The following CREBRF variants were observed in gnomAD, a reference collection of about 807,000 sequenced individuals.
The protein encoded by CREBRF is CREB3 regulatory factor, also known as UPF0474 protein C5orf41.
In CREBRF, 5 loss-of-function variants were observed where a neutral mutation model predicts 66.1. The ratio of observed to expected loss-of-function variants is 0.08; its 90% CI spans 0.04 to 0.16. CREBRF has a LOEUF of 0.16. CREBRF is among the 10% of genes least tolerant of loss of function. The pLI, the probability that CREBRF is intolerant of heterozygous loss-of-function variation, is 1.00. For missense variants in CREBRF, 531 were observed against 744.9 expected (o/e 0.71, Z 3.34); for synonymous variants, 229 against 264.4 (o/e 0.87, Z 1.30).
At position 173,090,085 on chromosome 5, in the gene CREBRF, C is replaced by T. The variant is rs544047693; in HGVS notation, c.136-230C>T. Among the ~76,000 whole-genome samples, 18 of 152,170 alleles carry T rather than the reference C, an allele frequency of 1.2e-4. No individual in the cohort carries two copies. The South Asian group carries it at 2.9e-3, about 25-fold the overall frequency. On this transcript the variant is annotated intron_variant, in intron 3 of 8. Coordinates refer to ENST00000296953, the MANE Select transcript of CREBRF (RefSeq NM_153607.3). This position sits in a 1 kb window ranked among gnomAD's most constrained non-coding sequence, Gnocchi z 4.5. Reference sequence around the variant, plus strand: ...CTGAGCCTCTCAAGGGACACACTTTCCGTCTTTTTTAAATTTAATTTTTAA... The same window carrying T: ...CTGAGCCTCTCAAGGGACACACTTTTCGTCTTTTTTAAATTTAATTTTTAA...
intron 3 of CREBRF, among the ~76,000 whole-genome samples, chr5:173,089,184 A>C (rs1247977139): frequency 6.7e-6 from 1 of 149,820 alleles, no homozygotes; most frequent in African/African-American, 2.5e-5. Context: ...CTCAAAAAAA[A>C]AAAAAACAAA....
chr5:173,074,169 G>T (rs1030398287), intron 1 of CREBRF, among the ~76,000 whole-genome samples: 3 of 151,658 alleles, frequency 2.0e-5, no homozygotes, highest in African/African-American at 7.3e-5. Flanking sequence ...GGGTGTTGTG[G>T]CACATGCCTG....
intron 4 of CREBRF, among the ~76,000 whole-genome samples, chr5:173,092,996 A>G (rs1758387934): frequency 6.6e-6 from 1 of 152,176 alleles, no homozygotes; most frequent in Admixed American, 6.5e-5. Flanking sequence ...TTTCAAGGAG[A>G]CTTGACTTTG....
chr5:173,127,555 A>G (rs561486334), intron 8 of CREBRF, among the ~76,000 whole-genome samples: 153 of 150,074 alleles, frequency 1.0e-3, no homozygotes, highest in African/African-American at 3.4e-3. Flanking sequence ...TGCCTCCCAG[A>G]TTCAAGCGAT....
chr5:173,117,599 T>TTCCC (rs1759027413), intron 7 of CREBRF, among the ~76,000 whole-genome samples: 5 of 41,964 alleles, frequency 1.2e-4, no homozygotes, highest in Non-Finnish European at 1.6e-4. Context: ...CCTTCCTTCC[T>TTCCC]TCCATCCCTC....
rs867361329 is a variant in CREBRF, at chr5:173,105,225, A to G, written c.1223-3399A>G. Among the ~76,000 whole-genome samples the G allele has an allele frequency of 6.2e-3, 907 of 146,638 alleles. 14 individuals are homozygous for G. Among genetic ancestry groups the G allele is most frequent in the African/African-American group, 0.02 (809 of 39,902 alleles). On this transcript the variant is annotated intron_variant, in intron 4 of 8. Coordinates refer to ENST00000296953, the MANE Select transcript of CREBRF (RefSeq NM_153607.3). ...CCAGGAGGATGGTATGTGTGTATAT[A>G]TGTGTGTGTGTGTGTGTGTGTGTGT...
intron 7 of CREBRF, among the ~76,000 whole-genome samples, chr5:173,120,248 A>G (rs1349508063): frequency 6.6e-6 from 1 of 152,138 alleles, no homozygotes; most frequent in African/African-American, 2.4e-5. Flanking sequence ...CATTGTATCT[A>G]TGATAGAATT....
Position 173,123,203 on chromosome 5 carries a change from G to A in CREBRF, c.1804+1G>A. Reference sequence around the variant, plus strand: ...GAAATCCTCATTAAAGATACTCTCGGTAAGAAGAATGCGAGATAAATTCAT... The same window carrying A: ...GAAATCCTCATTAAAGATACTCTCGATAAGAAGAATGCGAGATAAATTCAT... On this transcript the variant is annotated splice_donor_variant, in intron 8 of 8. Transcript: ENST00000296953. LOFTEE classifies it high-confidence loss of function. 3 of 1,595,770 alleles carry A rather than the reference G, an allele frequency of 1.9e-6. No homozygotes were observed. Among genetic ancestry groups the A allele is most frequent in the South Asian group, 2.3e-5 (2 of 86,970 alleles).
chr5:173,106,158 G>A (rs1028809492), intron 4 of CREBRF, among the ~76,000 whole-genome samples: 2 of 150,562 alleles, frequency 1.3e-5, no homozygotes, highest in African/African-American at 2.4e-5. Flanking sequence ...GGCCAGGTGC[G>A]GTGGCTCACA....
chr5:173,076,623 C>G (rs1055478010), intron 1 of CREBRF, among the ~76,000 whole-genome samples: 1 of 151,690 alleles, frequency 6.6e-6, no homozygotes, highest in East Asian at 1.9e-4. Context: ...CGTGGTGGTG[C>G]TGCATGCCTG....
At position 173,064,506 on chromosome 5, in the gene CREBRF, C is replaced by T. The variant is rs929528171; in HGVS notation, c.-192+8027C>T. Among the ~76,000 whole-genome samples the T allele has an allele frequency of 3.3e-5, 5 of 151,830 alleles. No individual in the cohort carries two copies. The South Asian group carries it at 6.2e-4, about 19-fold the overall frequency. Reference sequence around the variant, plus strand: ...TCAAGCAGTCCTCCTGCCTCAGCCTCCTGAGCCTCCTGACTATCTGGGACT... The same window carrying T: ...TCAAGCAGTCCTCCTGCCTCAGCCTTCTGAGCCTCCTGACTATCTGGGACT... On this transcript the variant is annotated intron_variant, in intron 1 of 8. Coordinates refer to ENST00000296953, the MANE Select transcript of CREBRF (RefSeq NM_153607.3).
chr5:173,073,412 G>A (rs531164022), intron 1 of CREBRF, among the ~76,000 whole-genome samples: 1 of 152,272 alleles, frequency 6.6e-6, no homozygotes, highest in South Asian at 2.1e-4. Context: ...GTTTAGAAAT[G>A]TACTTTAATC....
intron 1 of CREBRF, among the ~76,000 whole-genome samples, chr5:173,065,916 G>A (rs866578376): frequency 2.6e-5 from 4 of 151,936 alleles, no homozygotes; most frequent in South Asian, 2.1e-4. Context: ...GATTACAGGC[G>A]TGACCAACCG....
chr5:173,125,592 C>G (rs1377313855), intron 8 of CREBRF, among the ~76,000 whole-genome samples: 1 of 152,166 alleles, frequency 6.6e-6, no homozygotes, highest in Non-Finnish European at 1.5e-5. Context: ...CATCCGGGCA[C>G]GGTGGCTCAC....
At position 173,137,079 on chromosome 5, in the gene CREBRF, G is replaced by A. The variant is rs1159891227; in HGVS notation, c.*3334G>A. On this transcript the variant is annotated 3_prime_UTR_variant, in exon 9 of 9. Coordinates refer to ENST00000296953, the MANE Select transcript of CREBRF (RefSeq NM_153607.3). ...TCGCTCTTGTTAAGATCTTGTCTGA[G>A]TTTTGAATTGGGTGCCACACTTTTC... is the stretch of plus-strand genomic sequence containing the variant. 2.6e-5 allele frequency: 4 copies of A among 151,988 alleles called. No homozygotes were observed. Among genetic ancestry groups the A allele is most frequent in the African/African-American group, 9.7e-5 (4 of 41,398 alleles). The allele number at this position is 151,988 out of a possible 1,614,324, so 9.4% of individuals were successfully genotyped here.
At chr5:173,080,839 A>G in intron 2 of CREBRF, 55 bp downstream of exon 2, 7 of 1,555,216 alleles carry the variant, frequency 4.5e-6, no homozygotes, top group Middle Eastern at 1.7e-4. Context: ...CAGAAAGTCA[A>G]TACCTTTGAC....
chr5:173,123,403 A>G, intron 8 of CREBRF: 1 of 479,380 alleles, frequency 2.1e-6, no homozygotes, highest in Non-Finnish European at 3.6e-6. Flanking sequence ...TGTAATTTAG[A>G]CTTAATCATG....
intron 8 of CREBRF, among the ~76,000 whole-genome samples, chr5:173,125,390 G>A (rs753657861): frequency 2.6e-5 from 4 of 151,652 alleles, no homozygotes; most frequent in Non-Finnish European, 5.9e-5. Context: ...TTCATGTATC[G>A]TGCCATTTTC....
intron 4 of CREBRF, among the ~76,000 whole-genome samples, chr5:173,099,586 T>C (rs1183888551): frequency 1.3e-5 from 2 of 152,248 alleles, no homozygotes; most frequent in African/African-American, 4.8e-5. Context: ...TTAACCATTT[T>C]GTTAATGTTT....
Sources: gnomAD v4.1 joint callset for allele counts (sites outside exome capture counted in the v4.1 genomes callset) on GRCh38, gnomAD v4.1.1 for gene constraint, Gnocchi (gnomAD v3.1) non-coding constraint, MANE v1.5 for transcripts, NCBI Gene and HGNC (gene_info 2026-07-23, HGNC 2026-07-21) for gene names.